The following SLC17A1 variants were observed in gnomAD, a reference collection of about 807,000 sequenced individuals.
SLC17A1 encodes the protein sodium-dependent phosphate transport protein 1.
SLC17A1 carries 51 observed loss-of-function variants against 53.5 expected under a neutral mutation model. The ratio of observed to expected loss-of-function variants is 0.95; its 90% CI spans 0.76 to 1.20. The LOEUF (loss-of-function observed/expected upper bound fraction) is 1.20, where lower values mean the gene tolerates loss of function less well. Among genes scored for constraint, SLC17A1 ranks in the 50% most tolerant of loss-of-function variants. The probability of loss-of-function intolerance (pLI) is 0.00; values close to 1 mark genes in which losing one functional copy is unlikely to be tolerated. For synonymous variants in SLC17A1, 179 were observed against 198.8 expected, an observed-to-expected ratio of 0.90 and a Z score of 0.84; for missense variants, 538 against 568.2, an observed-to-expected ratio of 0.95 and a Z score of 0.54.
chr6:25,785,049 G>A (rs757696982), intron 12 of SLC17A1, among the ~76,000 whole-genome samples: 6 of 152,082 alleles, frequency 3.9e-5, no homozygotes, highest in African/African-American at 7.2e-5. Context: ...AATGAGTTTA[G>A]CAAAGCTGCA....
At chr6:25,829,054 T>C (rs866082862) in intron 2 of SLC17A1, among the ~76,000 whole-genome samples, 9 of 152,240 alleles carry the variant, frequency 5.9e-5, no homozygotes, top group East Asian at 1.9e-4. Context: ...GCATGGGTGA[T>C]CTAAGAGGAA....
At chr6:25,763,989 AG>A in the SLC17A1 span, among the ~76,000 whole-genome samples, 81 of 152,332 alleles carry the variant, frequency 5.3e-4, 1 homozygote, top group African/African-American at 1.9e-3. Context: ...GGGAAGCAAA[AG>A]TCAGGTTGGT....
chr6:25,806,062 A>G (rs1763942886), intron 10 of SLC17A1, among the ~76,000 whole-genome samples: 1 of 152,048 alleles, frequency 6.6e-6, no homozygotes, highest in Admixed American at 6.6e-5. Context: ...AAATCAGAAA[A>G]GGCTATAACA....
At chr6:25,772,973 A>C in the SLC17A1 span, among the ~76,000 whole-genome samples, 5 of 152,180 alleles carry the variant, frequency 3.3e-5, no homozygotes, top group Admixed American at 6.5e-5. Flanking sequence ...TCAATGGATG[A>C]GCTGGAGCAT....
the SLC17A1 span, among the ~76,000 whole-genome samples, chr6:25,725,040 G>T: frequency 2.1e-5 from 3 of 142,542 alleles, no homozygotes; most frequent in Non-Finnish European, 1.5e-5. Flanking sequence ...TTTGAGGTAA[G>T]GTCAACTGTT....
At chr6:25,740,586 C>T in the SLC17A1 span, among the ~76,000 whole-genome samples, 3 of 152,120 alleles carry the variant, frequency 2.0e-5, no homozygotes, top group Non-Finnish European at 2.9e-5. Context: ...ATGCAAGATA[C>T]TGACTTTACT....
chr6:25,769,965 AC>A, the SLC17A1 span: 7 of 977,342 alleles, frequency 7.2e-6, no homozygotes, highest in South Asian at 1.0e-4. Context: ...AGAAATGTAA[AC>A]AGAAAGATAA....
At chr6:25,726,474 G>T in the SLC17A1 span, 1 of 1,613,820 alleles carries the variant, frequency 6.2e-7, no homozygotes, top group Middle Eastern at 1.6e-4. Context: ...CTCTAGAAGA[G>T]CGAGACTTAG....
the SLC17A1 span, among the ~76,000 whole-genome samples, chr6:25,758,078 C>A: frequency 2.6e-5 from 4 of 152,316 alleles, 1 homozygote; most frequent in African/African-American, 9.6e-5. Flanking sequence ...TGGTGTAGAC[C>A]TTTGCTGTGC....
chr6:25,803,178 C>T (rs1169586750), intron 10 of SLC17A1, among the ~76,000 whole-genome samples: 1 of 151,974 alleles, frequency 6.6e-6, no homozygotes, highest in Non-Finnish European at 1.5e-5. Flanking sequence ...ACCTCATGAT[C>T]CGCCTGCCTC....
chr6:25,828,188 A>G (rs79867288), intron 2 of SLC17A1, among the ~76,000 whole-genome samples: 25,433 of 152,070 alleles, frequency 0.17, 2,755 homozygotes, highest in Non-Finnish European at 0.21. Context: ...GGAGTCATCG[A>G]TCCATAAAGG....
At chr6:25,729,460 C>T in the SLC17A1 span, among the ~76,000 whole-genome samples, 6 of 152,182 alleles carry the variant, frequency 3.9e-5, no homozygotes, top group Admixed American at 3.9e-4. Context: ...GTCTATTCCA[C>T]TGGGTCTTGG....
the SLC17A1 span, among the ~76,000 whole-genome samples, chr6:25,772,688 GAAGAT>G: frequency 6.6e-6 from 1 of 152,130 alleles, no homozygotes; most frequent in Non-Finnish European, 1.5e-5. Context: ...GTGCTTTGAG[GAAGAT>G]AAGAGATAGA....
At chr6:25,822,568 A>G (rs144232357) in intron 3 of SLC17A1, among the ~76,000 whole-genome samples, 10 of 152,236 alleles carry the variant, frequency 6.6e-5, no homozygotes, top group African/African-American at 2.2e-4. Context: ...ATTTCATGGG[A>G]TGGCAAAAGG....
At chr6:25,769,170 C>CT in the SLC17A1 span, 3 of 1,613,892 alleles carry the variant, frequency 1.9e-6, no homozygotes, top group African/African-American at 2.7e-5. Flanking sequence ...GAATGAAACT[C>CT]TAAAAGAATT....
At chr6:25,742,674 C>A in the SLC17A1 span, among the ~76,000 whole-genome samples, 12 of 152,024 alleles carry the variant, frequency 7.9e-5, no homozygotes, top group African/African-American at 2.9e-4. Context: ...TGTGGTGGCA[C>A]ACACCTGTAG....
the SLC17A1 span, among the ~76,000 whole-genome samples, chr6:25,755,454 T>C: frequency 1.3e-5 from 2 of 152,204 alleles, no homozygotes; most frequent in African/African-American, 4.8e-5. Flanking sequence ...ACATTTGAGC[T>C]GTTAATAGCT....
the SLC17A1 span, chr6:25,762,037 G>A: frequency 6.2e-7 from 1 of 1,613,522 alleles, no homozygotes; most frequent in Non-Finnish European, 8.5e-7. Flanking sequence ...TGGCTCAAGA[G>A]GAATGCTCCA....
chr6:25,762,941 G>A, the SLC17A1 span, among the ~76,000 whole-genome samples: 3 of 152,140 alleles, frequency 2.0e-5, no homozygotes, highest in Non-Finnish European at 2.9e-5. Context: ...TTAATAATAC[G>A]AAGAACTTAT....
Sources: allele counts gnomAD v4.1 joint callset (sites outside exome capture counted in the v4.1 genomes callset), GRCh38; gene constraint gnomAD v4.1.1; transcripts MANE v1.5; gene names NCBI Gene and HGNC (gene_info 2026-07-23, HGNC 2026-07-21).